EPHX2: variants seen among roughly 807,000 people sequenced by gnomAD.
EPHX2 encodes epoxide hydrolase 2.
Under a neutral mutation model 78.7 loss-of-function variants are expected in EPHX2, and 74 were observed. The observed-to-expected ratio is 0.94, with a 90% confidence interval of 0.78 to 1.14. The LOEUF (loss-of-function observed/expected upper bound fraction) is 1.14, where lower values mean the gene tolerates loss of function less well. Among genes scored for constraint, EPHX2 ranks in the 50% most tolerant of loss-of-function variants. The pLI is 0.00. For missense variants in EPHX2, 715 were observed against 702.5 expected, an observed-to-expected ratio of 1.02 and a Z score of -0.20; for synonymous variants, 251 against 255.2, an observed-to-expected ratio of 0.98 and a Z score of 0.16.
intron 1 of EPHX2, among the ~76,000 whole-genome samples, chr8:27,493,850 A>C (rs1176928994): frequency 6.6e-6 from 1 of 152,190 alleles, no homozygotes; most frequent in African/African-American, 2.4e-5. Context: ...TCTGGTGAGC[A>C]GCTGGAAAGG....
intron 9 of EPHX2, among the ~76,000 whole-genome samples, chr8:27,519,693 A>T (rs1236468261): frequency 6.6e-6 from 1 of 152,228 alleles, no homozygotes; most frequent in Non-Finnish European, 1.5e-5. Context: ...AAAGCGCCAC[A>T]GACTAGGCAC....
At chr8:27,496,398 T>A (rs1380657394) in intron 1 of EPHX2, among the ~76,000 whole-genome samples, 1 of 152,080 alleles carries the variant, frequency 6.6e-6, no homozygotes, top group Non-Finnish European at 1.5e-5. Flanking sequence ...TCCACGAAAG[T>A]TGGGACGTGT....
Position 27,534,013 on chromosome 8 carries a change from G to A in EPHX2, c.1171-2771G>A, listed in dbSNP as rs201229738. On this transcript the variant is annotated intron_variant, in intron 12 of 18. Transcript: ENST00000521400. ...AAATGCACCCCTGAGCTCATGAACA[G>A]CAGCTGTTTCTGGGATGAGGACTGC... is the stretch of plus-strand genomic sequence containing the variant. Among the ~76,000 whole-genome samples, 6 of 152,184 alleles carry A rather than the reference G, an allele frequency of 3.9e-5. No homozygotes were observed. In the East Asian group the frequency reaches 1.2e-3, roughly 29 times the overall value.
At chr8:27,535,503 C>T (rs1448005494) in intron 12 of EPHX2, among the ~76,000 whole-genome samples, 2 of 152,130 alleles carry the variant, frequency 1.3e-5, no homozygotes, top group Non-Finnish European at 2.9e-5. Context: ...AGTGGTTGCC[C>T]CTAGTGGATC....
intron 6 of EPHX2, among the ~76,000 whole-genome samples, chr8:27,514,723 A>G (rs1441748693): frequency 6.6e-6 from 1 of 152,112 alleles, no homozygotes; most frequent in African/African-American, 2.4e-5. Flanking sequence ...GGCCACGCAC[A>G]GGAGGTTCCT....
In EPHX2 at chr8:27,535,787, T is replaced by A. The variant is rs1472686599; in HGVS notation, c.1171-997T>A. Among the ~76,000 whole-genome samples the A allele has an allele frequency of 3.3e-5, 5 of 152,082 alleles. No homozygotes were observed. In the East Asian group the frequency reaches 9.7e-4, roughly 29 times the overall value. The stretch of plus-strand genomic sequence containing the variant: ...GAGAGGGGAAGCAGGAGAGGAAGAC[T>A]CCACACCCTGAGCCTCCAGTAGGAA... On this transcript the variant is annotated intron_variant, in intron 12 of 18. Coordinates refer to ENST00000521400, the MANE Select transcript of EPHX2 (RefSeq NM_001979.6).
chr8:27,536,286 G>A (rs1815208368), intron 12 of EPHX2, among the ~76,000 whole-genome samples: 1 of 152,136 alleles, frequency 6.6e-6, no homozygotes. Flanking sequence ...AAGTTTCTTT[G>A]TAAAGATGGG....
chr8:27,538,472 C>T lies in EPHX2; in HGVS notation c.1243-187C>T, dbSNP rs78839189. On this transcript the variant is annotated intron_variant, in intron 13 of 18. Transcript: ENST00000521400. ...TTTACTTGACTTCTGTGAGGGGGTC[C>T]CTGGCTCTCTTGGGAGTTCCACATG... 2.0e-4 allele frequency among the ~76,000 whole-genome samples: 30 copies of T among 152,272 alleles called. No homozygotes were observed. In the East Asian group the frequency reaches 4.8e-3, roughly 25 times the overall value.
intron 5 of EPHX2, among the ~76,000 whole-genome samples, chr8:27,508,265 T>G (rs1814091180): frequency 6.6e-6 from 1 of 152,200 alleles, no homozygotes; most frequent in Non-Finnish European, 1.5e-5. Context: ...ATCGTGCTAC[T>G]GCATTTCAAC....
rs1265213216 is a variant in EPHX2, at chr8:27,540,656, G to A, written c.1379G>A (p.Arg460Lys). Residue 460 changes from arginine to lysine, a missense_variant and splice_region_variant, in exon 15 of 19, where the codon AGA (arginine) becomes AAA (lysine). Transcript: ENST00000521400. ...CAGCAGTTCAAGAAGTCTGGTTTCA[G>A]GTAAAGAGAGCACAGGGCCCAGACA... ...YVQQFKKSGF[R>K]GPLNWYRNME... 7 of 1,613,514 alleles carry A rather than the reference G, an allele frequency of 4.3e-6. No individual in the cohort carries two copies. Among genetic ancestry groups the A allele is most frequent in the Admixed American group, 3.3e-5 (2 of 59,996 alleles).
Position 27,525,488 on chromosome 8 carries a change from A to G in EPHX2, c.1170+15A>G. The G allele has an allele frequency of 6.3e-7, 1 of 1,596,302 alleles. No individual in the cohort carries two copies. The highest frequency in any genetic ancestry group is 1.1e-5 in the South Asian group (1 of 90,690). ...TCCAAGAACCAGTAAGTATGGCACC[A>G]AGGGCAACAATGGGAGCATTAGTGT... On this transcript the variant is annotated intron_variant, in intron 12 of 18. Coordinates refer to ENST00000521400, the MANE Select transcript of EPHX2 (RefSeq NM_001979.6).
rs749936832 is a variant in EPHX2, at chr8:27,544,508, G to T, written c.1654G>T (p.Val552Phe). The T allele has an allele frequency of 6.2e-7, 1 of 1,613,910 alleles. No homozygotes were observed. The highest frequency in any genetic ancestry group is 8.5e-7 in the Non-Finnish European group (1 of 1,180,032). Residue 552 changes from valine to phenylalanine, a missense_variant, in exon 19 of 19, where the codon GTC becomes TTC. Physicochemically the swap from Val to Phe is conservative, Grantham distance 50 (BLOSUM62 -1). Transcript: ENST00000521400. Reference protein sequence around the residue: ...LDSDARNPPVVSKM With the variant: ...LDSDARNPPVFSKM ...TTCTGATGCCCGGAACCCACCGGTG[G>T]TCTCAAAGATGTAGAACGCAGCGTG... is the stretch of plus-strand genomic sequence containing the variant.
intron 7 of EPHX2, 137 bp downstream of exon 7, chr8:27,515,950 C>A: frequency 1.3e-6 from 1 of 791,448 alleles, no homozygotes; most frequent in Admixed American, 2.1e-5. Context: ...CAGGTTGGGG[C>A]AGGAGGGTGA....
intron 6 of EPHX2, chr8:27,515,442 G>A (rs1030679019): frequency 4.7e-6 from 2 of 423,170 alleles, no homozygotes; most frequent in Non-Finnish European, 8.7e-6. Flanking sequence ...AGAGAGGAAG[G>A]AGAAGTGTGT....
At chr8:27,515,514 G>C (rs969113146) in intron 6 of EPHX2, 10 of 563,874 alleles carry the variant, frequency 1.8e-5, no homozygotes, top group Admixed American at 6.1e-5. Flanking sequence ...GTTATGGTGA[G>C]AGCCACCTGT....
In EPHX2 at chr8:27,525,101, TGTGTGTGC is replaced by T. The variant is rs1365847274; in HGVS notation, c.1059-259_1059-252del. ...GTGTGTGTGTGTGTGTGTGTGTGTG[TGTGTGTGC>T]GCGCGCGCGCGCGCACCTATGTGTC... On this transcript the variant is annotated intron_variant, in intron 11 of 18. Coordinates refer to ENST00000521400, the MANE Select transcript of EPHX2 (RefSeq NM_001979.6). Among the ~76,000 whole-genome samples the T allele has an allele frequency of 3.8e-4, 50 of 130,816 alleles. 2 individuals are homozygous for T. In the South Asian group the frequency reaches 5.1e-3, roughly 13 times the overall value. 85.8% of individuals were successfully genotyped at this position (130,816 alleles called of 152,430 possible). A position where few individuals can be genotyped will look rare whatever the true frequency, so the allele number is the denominator to read the frequency against.
intron 2 of EPHX2, among the ~76,000 whole-genome samples, chr8:27,501,369 C>CT (rs1311648065): frequency 1.7e-5 from 2 of 120,512 alleles, no homozygotes; most frequent in African/African-American, 6.8e-5. Flanking sequence ...TCTTCTTCTT[C>CT]TTCTTCTTCT....
chr8:27,524,403 G>A (rs986955635), intron 11 of EPHX2, among the ~76,000 whole-genome samples: 22 of 151,998 alleles, frequency 1.4e-4, no homozygotes, highest in Non-Finnish European at 2.8e-4. Flanking sequence ...TCTCAGGGCT[G>A]GATTAATCAT....
In EPHX2 at chr8:27,536,168, G is replaced by A. The variant is rs138104199; in HGVS notation, c.1171-616G>A. On this transcript the variant is annotated intron_variant, in intron 12 of 18. Coordinates refer to ENST00000521400, the MANE Select transcript of EPHX2 (RefSeq NM_001979.6). ...GCTCTTTAACAGTGGAAACCTTGCT[G>A]CCCTGTCTGTGGAATACAATCTATT... Among the ~76,000 whole-genome samples, 7 of 152,292 alleles carry A rather than the reference G, an allele frequency of 4.6e-5. No homozygotes were observed. The East Asian group carries it at 9.6e-4, about 21-fold the overall frequency.
Sources: allele counts gnomAD v4.1 joint callset (sites outside exome capture counted in the v4.1 genomes callset), GRCh38; gene constraint gnomAD v4.1.1; transcripts MANE v1.5; gene names NCBI Gene and HGNC (gene_info 2026-07-23, HGNC 2026-07-21).